Variants in NEBL observed in about 807,000 individuals in gnomAD.
NEBL encodes LIM and SH3 protein 2.
A neutral mutation model predicts 140.2 loss-of-function variants in NEBL; 122 were observed. That is an observed-to-expected ratio of 0.87 (90% CI 0.75 to 1.01). NEBL has a LOEUF of 1.01. Among genes scored for constraint, NEBL ranks in the 50% least tolerant of loss-of-function variants. The pLI, the probability that NEBL is intolerant of heterozygous loss-of-function variation, is 0.00. For synonymous variants in NEBL, 436 were observed against 398.9 expected, an observed-to-expected ratio of 1.09 and a Z score of -1.11; for missense variants, 1,365 against 1,231.3, an observed-to-expected ratio of 1.11 and a Z score of -1.62.
chr10:20,786,159 C>T (rs571495103), intron 27 of NEBL, among the ~76,000 whole-genome samples: 1 of 152,190 alleles, frequency 6.6e-6, no homozygotes, highest in South Asian at 2.1e-4. Context: ...CGACAGGTAG[C>T]CCATCAAAAA....
At chr10:20,799,045 G>A (rs1474156640) in intron 26 of NEBL, among the ~76,000 whole-genome samples, 1 of 152,042 alleles carries the variant, frequency 6.6e-6, no homozygotes, top group East Asian at 1.9e-4. Context: ...TTTTTCACAG[G>A]CTAGATGTAC....
At chr10:20,814,905 A>G (rs140515621) in intron 22 of NEBL, among the ~76,000 whole-genome samples, 28 of 152,342 alleles carry the variant, frequency 1.8e-4, no homozygotes, top group African/African-American at 5.8e-4. Flanking sequence ...TGTCACTAGG[A>G]AGCTGTAAAT....
At chr10:21,283,436 C>CCCCCCGAGCAA (rs1407933192) in intron 1 of NEBL, among the ~76,000 whole-genome samples, 2 of 152,128 alleles carry the variant, frequency 1.3e-5, no homozygotes, top group Non-Finnish European at 2.9e-5. Flanking sequence ...CTTTACTTTC[C>CCCCCCGAGCAA]TAATAAACTT....
At position 21,155,581 on chromosome 10, in the gene NEBL, C is replaced by T. The variant is rs138327181; in HGVS notation, c.164+16802G>A. ...CATTTCACTTTATACATAAGTACTT[C>T]GGAAATCTTGAGTACTGTGCCTATA... On this transcript the variant is annotated intron_variant, in intron 2 of 6. Transcript: ENST00000417816. Among the ~76,000 whole-genome samples the T allele has an allele frequency of 7.9e-5, 12 of 152,274 alleles. No individual in the cohort carries two copies. In the East Asian group the frequency reaches 1.9e-3, roughly 24 times the overall value.
chr10:20,822,670 G>T, intron 19 of NEBL, among the ~76,000 whole-genome samples: 1 of 89,726 alleles, frequency 1.1e-5, no homozygotes, highest in African/African-American at 3.1e-5. Flanking sequence ...GATATATAGA[G>T]ACTATAGATA....
At chr10:21,009,082 T>C (rs1838240568) in intron 3 of NEBL, among the ~76,000 whole-genome samples, 1 of 152,132 alleles carries the variant, frequency 6.6e-6, no homozygotes, top group Non-Finnish European at 1.5e-5. Context: ...ATAACAGATA[T>C]GTTCTCTGTC....
chr10:20,964,244 C>T (rs1163219734), intron 3 of NEBL, among the ~76,000 whole-genome samples: 7 of 152,124 alleles, frequency 4.6e-5, no homozygotes, highest in Admixed American at 1.3e-4. Context: ...ATCTAGCAAG[C>T]ATCCAGAAGC....
chr10:20,961,528 A>C, intron 4 of NEBL: 1 of 733,732 alleles, frequency 1.4e-6, no homozygotes, highest in Non-Finnish European at 2.5e-6. Flanking sequence ...AGGGTTTACC[A>C]GATGAAATTG....
At chr10:20,868,849 T>C (rs71541564) in intron 6 of NEBL, 84 bp from the exon 7 acceptor site, 1 of 721,850 alleles carries the variant, frequency 1.4e-6, no homozygotes, top group Admixed American at 2.2e-5. Context: ...AAAAAAAAAA[T>C]AACAGACCTT....
chr10:20,886,450 A>G, intron 4 of NEBL, among the ~76,000 whole-genome samples: 1 of 151,982 alleles, frequency 6.6e-6, no homozygotes, highest in East Asian at 1.9e-4. Flanking sequence ...AATAACTTGA[A>G]CCCGGGAGGC....
At position 20,784,173 on chromosome 10, in the gene NEBL, T is replaced by G. The variant is rs1358355535; in HGVS notation, c.*1574A>C. On this transcript the variant is annotated 3_prime_UTR_variant, in exon 28 of 28. Coordinates refer to ENST00000377122, the MANE Select transcript of NEBL (RefSeq NM_006393.3). The stretch of plus-strand genomic sequence containing the variant: ...AGACCCGTACATCTTAGTACTTTTT[T>G]GCAGTTTTGCTTTTTCGGTTTTGTC... 2 of 152,212 alleles carry G rather than the reference T, an allele frequency of 1.3e-5. No individual in the cohort carries two copies. The highest frequency in any genetic ancestry group is 4.8e-5 in the African/African-American group (2 of 41,446). 9.4% of individuals were successfully genotyped at this position (152,212 alleles called of 1,614,324 possible). A position where few individuals can be genotyped will look rare whatever the true frequency, so the allele number is the denominator to read the frequency against.
intron 4 of NEBL, among the ~76,000 whole-genome samples, chr10:20,919,113 C>G (rs556577115): frequency 6.6e-6 from 1 of 152,038 alleles, no homozygotes; most frequent in African/African-American, 2.4e-5. Context: ...AAATTATGTG[C>G]TATCCTAAAA....
chr10:20,843,095 G>T (rs941963031), intron 12 of NEBL, among the ~76,000 whole-genome samples: 1 of 152,070 alleles, frequency 6.6e-6, no homozygotes, highest in Admixed American at 6.6e-5. Flanking sequence ...GGACCTTTGG[G>T]AGGTGATTAG....
At chr10:20,861,142 G>A (rs930490483) in intron 7 of NEBL, among the ~76,000 whole-genome samples, 1 of 152,048 alleles carries the variant, frequency 6.6e-6, no homozygotes, top group Non-Finnish European at 1.5e-5. Flanking sequence ...ACTTTATACA[G>A]TAGGTGGCAC....
intron 2 of NEBL, among the ~76,000 whole-genome samples, chr10:21,101,949 A>G (rs1341144210): frequency 6.6e-6 from 1 of 152,238 alleles, no homozygotes; most frequent in Non-Finnish European, 1.5e-5. Flanking sequence ...AGCATTGTCC[A>G]AGACAGAGTA....
chr10:20,916,757 T>G (rs1848573359), intron 4 of NEBL, among the ~76,000 whole-genome samples: 1 of 152,204 alleles, frequency 6.6e-6, no homozygotes, highest in Non-Finnish European at 1.5e-5. Flanking sequence ...CTAACCTGGC[T>G]TAGGTATAAA....
At chr10:20,865,011 G>A (rs981049492) in intron 7 of NEBL, among the ~76,000 whole-genome samples, 7 of 152,058 alleles carry the variant, frequency 4.6e-5, no homozygotes, top group African/African-American at 1.7e-4. Flanking sequence ...GAGATTGAAG[G>A]AAAAAAATCT....
Position 21,168,615 on chromosome 10 carries a change from A to G in NEBL, c.164+3768T>C, listed in dbSNP as rs777435216. Among the ~76,000 whole-genome samples the G allele has an allele frequency of 1.4e-4, 21 of 152,308 alleles. No homozygotes were observed. In the South Asian group the frequency reaches 2.7e-3, roughly 20 times the overall value. ...AGGATATAAGATGTTATAATAATGC[A>G]TTTGTTAATTTTCTTAAGTGTAATA... On this transcript the variant is annotated intron_variant, in intron 2 of 6. Transcript: ENST00000417816.
chr10:21,017,400 T>C (rs923329031), intron 3 of NEBL, among the ~76,000 whole-genome samples: 9 of 152,210 alleles, frequency 5.9e-5, no homozygotes, highest in South Asian at 2.1e-4. Context: ...GAACACGACA[T>C]TTGAGCAAAA....
Sources: gnomAD v4.1 joint callset for allele counts (sites outside exome capture counted in the v4.1 genomes callset) on GRCh38, gnomAD v4.1.1 for gene constraint, MANE v1.5 for transcripts, NCBI Gene and HGNC (gene_info 2026-07-23, HGNC 2026-07-21) for gene names.